NKAIN2: variants seen among roughly 807,000 people sequenced by gnomAD.
NKAIN2 encodes the protein sodium/potassium transporting ATPase interacting 2, also known as sodium/potassium-transporting ATPase subunit beta-1-interacting protein 2.
NKAIN2 carries 14 observed loss-of-function variants against 32.6 expected under a neutral mutation model. The ratio of observed to expected loss-of-function variants is 0.43; its 90% CI spans 0.28 to 0.67. The LOEUF (loss-of-function observed/expected upper bound fraction) is 0.67, where lower values mean the gene tolerates loss of function less well. Among genes scored for constraint, NKAIN2 ranks in the 30% least tolerant of loss-of-function variants. The pLI, the probability that NKAIN2 is intolerant of heterozygous loss-of-function variation, is 0.17. For synonymous variants in NKAIN2, 80 were observed against 87.2 expected (o/e 0.92, Z 0.46); for missense variants, 198 against 258.3 (o/e 0.77, Z 1.60).
intron 3 of NKAIN2, among the ~76,000 whole-genome samples, chr6:124,568,487 A>G (rs899603901): frequency 1.3e-5 from 2 of 152,146 alleles, no homozygotes; most frequent in Admixed American, 6.5e-5. Context: ...TCATTTATAG[A>G]TGAAAAAACT....
intron 1 of NKAIN2, among the ~76,000 whole-genome samples, chr6:124,121,551 CA>C (rs1475646819): frequency 6.6e-6 from 1 of 151,938 alleles, no homozygotes. Flanking sequence ...GCATATCAAA[CA>C]GGCCAATTTT....
At chr6:124,668,553 AT>A (rs1416454945) in intron 4 of NKAIN2, among the ~76,000 whole-genome samples, 10 of 151,938 alleles carry the variant, frequency 6.6e-5, no homozygotes, top group African/African-American at 2.2e-4. Context: ...GTTCTATTTT[AT>A]TTTTTAATGT....
intron 3 of NKAIN2, among the ~76,000 whole-genome samples, chr6:124,560,706 A>G (rs1223109914): frequency 6.6e-6 from 1 of 152,246 alleles, no homozygotes; most frequent in Non-Finnish European, 1.5e-5. Context: ...TATTATCATA[A>G]TCCTAAGATT....
intron 1 of NKAIN2, among the ~76,000 whole-genome samples, chr6:124,018,128 G>A (rs1292832378): frequency 6.6e-6 from 1 of 152,202 alleles, no homozygotes; most frequent in Non-Finnish European, 1.5e-5. Flanking sequence ...TCACATGGAA[G>A]CTGTCAAAGC....
chr6:124,485,212 C>A (rs1445814006), intron 3 of NKAIN2, among the ~76,000 whole-genome samples: 2 of 152,136 alleles, frequency 1.3e-5, no homozygotes, highest in Non-Finnish European at 2.9e-5. Context: ...AAATGCAGTT[C>A]TCAGGCTCCA....
chr6:124,606,519 T>A (rs577202262), intron 3 of NKAIN2, among the ~76,000 whole-genome samples: 1 of 152,212 alleles, frequency 6.6e-6, no homozygotes, highest in African/African-American at 2.4e-5. Context: ...TCACAACATT[T>A]ATCTGCAACT....
At chr6:124,199,375 A>G (rs1188412612) in intron 1 of NKAIN2, among the ~76,000 whole-genome samples, 1 of 152,186 alleles carries the variant, frequency 6.6e-6, no homozygotes, top group Non-Finnish European at 1.5e-5. Flanking sequence ...TGCCCTCTGC[A>G]GTAGATTTCT....
At chr6:124,617,208 C>T (rs567416205) in intron 3 of NKAIN2, among the ~76,000 whole-genome samples, 38 of 152,292 alleles carry the variant, frequency 2.5e-4, no homozygotes, top group Non-Finnish European at 4.7e-4. Flanking sequence ...ACTTAGTGCT[C>T]AGCAACTGGT....
intron 1 of NKAIN2, among the ~76,000 whole-genome samples, chr6:124,129,883 G>T (rs1312814759): frequency 6.6e-6 from 1 of 152,148 alleles, no homozygotes. Context: ...CTCCCAAAGT[G>T]CTGGGATTAT....
chr6:124,016,388 A>G (rs757905010), intron 1 of NKAIN2, among the ~76,000 whole-genome samples: 3 of 152,322 alleles, frequency 2.0e-5, no homozygotes, highest in East Asian at 3.9e-4. Flanking sequence ...TTGTGCTTTC[A>G]TTAACTTGGC....
chr6:124,165,687 C>T (rs1173466564), intron 1 of NKAIN2, among the ~76,000 whole-genome samples: 11 of 138,088 alleles, frequency 8.0e-5, no homozygotes, highest in Admixed American at 2.3e-4. Context: ...CCACCACAGT[C>T]CCCAGAGTGT....
At chr6:123,903,725 G>C (rs181531584) in intron 1 of NKAIN2, among the ~76,000 whole-genome samples, 1 of 152,122 alleles carries the variant, frequency 6.6e-6, no homozygotes, top group East Asian at 1.9e-4. Context: ...TCTTATTTTG[G>C]ATATTGGGAA....
At chr6:124,583,121 G>C (rs534082461) in intron 3 of NKAIN2, among the ~76,000 whole-genome samples, 50 of 150,580 alleles carry the variant, frequency 3.3e-4, no homozygotes, top group African/African-American at 1.2e-3. Context: ...CCTAACTAGA[G>C]AAATCAGACG....
chr6:123,934,857 G>A (rs1385927743), intron 1 of NKAIN2, among the ~76,000 whole-genome samples: 1 of 151,622 alleles, frequency 6.6e-6, no homozygotes, highest in African/African-American at 2.4e-5. Context: ...GCTGTTACAA[G>A]TCTCTAGAAA....
At chr6:124,399,697 T>C (rs938151939) in intron 3 of NKAIN2, among the ~76,000 whole-genome samples, 3 of 152,226 alleles carry the variant, frequency 2.0e-5, no homozygotes, top group African/African-American at 7.2e-5. Flanking sequence ...CACAGATTCC[T>C]TAGCGAAGCA....
At chr6:124,397,348 C>CA (rs1473766719) in intron 3 of NKAIN2, among the ~76,000 whole-genome samples, 1 of 151,914 alleles carries the variant, frequency 6.6e-6, no homozygotes, top group Non-Finnish European at 1.5e-5. Flanking sequence ...GAATTCAATT[C>CA]AAACATATTC....
chr6:124,639,611 G>A (rs1783910254), intron 3 of NKAIN2, among the ~76,000 whole-genome samples: 2 of 152,048 alleles, frequency 1.3e-5, no homozygotes, highest in African/African-American at 2.4e-5. Flanking sequence ...TCCAGCCTGG[G>A]CAACAGAGTG....
intron 1 of NKAIN2, among the ~76,000 whole-genome samples, chr6:124,120,918 A>T (rs796221538): frequency 3.3e-5 from 5 of 152,290 alleles, no homozygotes; most frequent in African/African-American, 1.2e-4. Flanking sequence ...ATACTATTTG[A>T]TGAAAGTTTT....
rs1234438869 is a variant in NKAIN2 at position 124,780,051 on chromosome 6, AATATT to A, written c.475-11280_475-11276del. On this transcript the variant is annotated intron_variant, in intron 4 of 6. Coordinates refer to ENST00000368417, the MANE Select transcript of NKAIN2 (RefSeq NM_001040214.3). ...TGCAGTAGCTTGGATTAATCTAAAA[AATATT>A]ATATTATGCTCAGTGAAAGAAGCCA... Among the ~76,000 whole-genome samples the A allele has an allele frequency of 2.6e-5, 4 of 152,186 alleles. No individual in the cohort carries two copies. In the East Asian group the frequency reaches 7.7e-4, roughly 29 times the overall value.
Sources: gnomAD v4.1 joint callset for allele counts (sites outside exome capture counted in the v4.1 genomes callset) on GRCh38, gnomAD v4.1.1 for gene constraint, MANE v1.5 for transcripts, NCBI Gene and HGNC (gene_info 2026-07-23, HGNC 2026-07-21) for gene names.